ARL15: variants seen among roughly 807,000 people sequenced by gnomAD.
ARL15 encodes ADP-ribosylation factor-like protein 15.
Under a neutral mutation model 25.2 loss-of-function variants are expected in ARL15, and 19 were observed. The ratio of observed to expected loss-of-function variants is 0.75; its 90% CI spans 0.53 to 1.10. The LOEUF (loss-of-function observed/expected upper bound fraction) is 1.10, where lower values mean the gene tolerates loss of function less well. ARL15 is among the 50% of genes least tolerant of loss of function. ARL15 has a pLI of 0.00. For missense variants in ARL15, 220 were observed against 246.0 expected, an observed-to-expected ratio of 0.89 and a Z score of 0.71; for synonymous variants, 94 against 86.8, an observed-to-expected ratio of 1.08 and a Z score of -0.46.
intron 1 of ARL15, among the ~76,000 whole-genome samples, chr5:54,221,665 G>A (rs189026069): frequency 5.3e-5 from 8 of 151,746 alleles, no homozygotes; most frequent in East Asian, 1.9e-4. Flanking sequence ...TATCCAAAAC[G>A]AATCCCACTC....
intron 4 of ARL15, among the ~76,000 whole-genome samples, chr5:53,938,515 T>C (rs1321371500): frequency 2.0e-5 from 3 of 152,242 alleles, no homozygotes; most frequent in Admixed American, 1.3e-4. Flanking sequence ...ACTGTCTCCT[T>C]TACCAGGTTG....
At chr5:54,255,514 G>T (rs1757340989) in intron 1 of ARL15, among the ~76,000 whole-genome samples, 1 of 152,178 alleles carries the variant, frequency 6.6e-6, no homozygotes, top group South Asian at 2.1e-4. Flanking sequence ...CTAGAGTTGA[G>T]ATAAGGAGGT....
intron 4 of ARL15, among the ~76,000 whole-genome samples, chr5:54,095,270 T>C (rs144145631): frequency 7.5e-4 from 114 of 152,284 alleles, no homozygotes; most frequent in African/African-American, 2.7e-3. Context: ...AACTCTGTAA[T>C]AGTTGTTTCC....
intron 4 of ARL15, among the ~76,000 whole-genome samples, chr5:53,973,805 T>C (rs1444348209): frequency 6.6e-6 from 1 of 152,188 alleles, no homozygotes; most frequent in East Asian, 1.9e-4. Context: ...AAATGATGTT[T>C]TAGTTTCTGT....
chr5:54,279,754 A>G (rs930662040), intron 1 of ARL15, among the ~76,000 whole-genome samples: 2 of 152,222 alleles, frequency 1.3e-5, no homozygotes, highest in African/African-American at 4.8e-5. Context: ...TCTCAGGCCC[A>G]GGCTCAGTGC....
At chr5:54,016,853 C>G (rs1397431353) in intron 4 of ARL15, among the ~76,000 whole-genome samples, 7 of 152,142 alleles carry the variant, frequency 4.6e-5, no homozygotes, top group African/African-American at 1.7e-4. Flanking sequence ...TATATTCTAC[C>G]ATCTTATGCA....
chr5:54,043,628 A>G (rs1750411048), intron 4 of ARL15, among the ~76,000 whole-genome samples: 1 of 152,180 alleles, frequency 6.6e-6, no homozygotes, highest in Admixed American at 6.5e-5. Context: ...ATGTCAGGCT[A>G]CATTTCCATC....
At chr5:54,201,964 A>G (rs1755736200) in intron 1 of ARL15, among the ~76,000 whole-genome samples, 1 of 152,172 alleles carries the variant, frequency 6.6e-6, no homozygotes, top group Non-Finnish European at 1.5e-5. Context: ...TCAAAGCAAG[A>G]AGGAATTCCC....
chr5:54,261,563 A>AAG lies in ARL15; in HGVS notation c.48+48867_48+48868dup, dbSNP rs572502761. Among the ~76,000 whole-genome samples the AAG allele has an allele frequency of 4.2e-3, 634 of 152,244 alleles. 1 individual carries two copies. The highest frequency in any genetic ancestry group is 0.01 in the Middle Eastern group (3 of 294). ...TTGGGACTAAATATGCAAAAAAAAA[A>AAG]AGAGAGAACTTCAGAAGTCTGGGTT... On this transcript the variant is annotated intron_variant, in intron 1 of 4. Transcript: ENST00000504924.
chr5:53,890,066 G>C (rs954626850), intron 4 of ARL15, among the ~76,000 whole-genome samples: 1 of 152,112 alleles, frequency 6.6e-6, no homozygotes, highest in Non-Finnish European at 1.5e-5. Context: ...GCCCACCTTG[G>C]CCTCCCAAAG....
intron 4 of ARL15, among the ~76,000 whole-genome samples, chr5:53,988,952 A>G (rs573648861): frequency 6.6e-6 from 1 of 152,332 alleles, no homozygotes; most frequent in African/African-American, 2.4e-5. Flanking sequence ...AGAACTGAAC[A>G]CCAGGTGACC....
At chr5:54,226,661 T>TA (rs200575015) in intron 1 of ARL15, among the ~76,000 whole-genome samples, 6,277 of 152,050 alleles carry the variant, frequency 0.041, 191 homozygotes, top group Non-Finnish European at 0.062. Flanking sequence ...TCTAAGTTAT[T>TA]AAAAAAAATG....
chr5:54,218,119 A>C (rs987829322), intron 1 of ARL15, among the ~76,000 whole-genome samples: 1 of 152,136 alleles, frequency 6.6e-6, no homozygotes, highest in Non-Finnish European at 1.5e-5. Flanking sequence ...CCTCCCATTT[A>C]TTTGTGTCTG....
rs566598036 is a variant in ARL15, at chr5:54,261,809, G to A, written c.48+48623C>T. ...TTTTTCGGGAGGGTGGGGGTCACTT[G>A]CTCTTATCATCTAGGAATGAACAAG... is the stretch of plus-strand genomic sequence containing the variant. On this transcript the variant is annotated intron_variant, in intron 1 of 4. Transcript: ENST00000504924. 4.6e-5 allele frequency among the ~76,000 whole-genome samples: 7 copies of A among 152,080 alleles called. No individual in the cohort carries two copies. In the South Asian group the frequency reaches 1.2e-3, roughly 27 times the overall value.
At chr5:53,951,423 A>G (rs549655185) in intron 4 of ARL15, 34 of 451,740 alleles carry the variant, frequency 7.5e-5, no homozygotes, top group Admixed American at 3.2e-4. Context: ...ATTGCTATAA[A>G]TTTCCTAAAT....
intron 1 of ARL15, among the ~76,000 whole-genome samples, chr5:54,268,468 G>C (rs1757688670): frequency 6.6e-6 from 1 of 152,208 alleles, no homozygotes. Context: ...CTCTCAACTT[G>C]TCAAAGTCAT....
rs1580107664 is a variant in ARL15 at position 53,947,170 on chromosome 5, GTGTGTGT to G, written c.463-60464_463-60458del. On this transcript the variant is annotated intron_variant, in intron 4 of 4. Coordinates refer to ENST00000504924, the MANE Select transcript of ARL15 (RefSeq NM_019087.3). ...GCCAAAGAGAAAAATAAATAAGGGTGTGTGTGTGTGTGTGTGTGTGTGTGTGTGTGTG... is the reference window on the plus strand; with the variant it reads ...GCCAAAGAGAAAAATAAATAAGGGTGGTGTGTGTGTGTGTGTGTGTGTGTG... Among the ~76,000 whole-genome samples the G allele has an allele frequency of 1.1e-3, 52 of 45,432 alleles. 1 individual carries two copies. Among genetic ancestry groups the G allele is most frequent in the South Asian group, 6.5e-3 (12 of 1,842 alleles). The allele number at this position is 45,432 out of a possible 152,430, so 29.8% of individuals were successfully genotyped here.
chr5:53,999,191 G>C (rs1339724793), intron 4 of ARL15, among the ~76,000 whole-genome samples: 1 of 152,294 alleles, frequency 6.6e-6, no homozygotes, highest in East Asian at 1.9e-4. Flanking sequence ...AAAGAAAACT[G>C]AGTGAAGAAG....
intron 1 of ARL15, among the ~76,000 whole-genome samples, chr5:54,196,318 A>G (rs182877654): frequency 1.3e-5 from 2 of 152,160 alleles, no homozygotes; most frequent in Non-Finnish European, 2.9e-5. Flanking sequence ...TTTTTCCACT[A>G]TTTAGAAGTT....
Sources: allele counts gnomAD v4.1 joint callset (sites outside exome capture counted in the v4.1 genomes callset), GRCh38; gene constraint gnomAD v4.1.1; transcripts MANE v1.5; gene names NCBI Gene and HGNC (gene_info 2026-07-23, HGNC 2026-07-21).